Variants in ITGA8 observed in about 807,000 individuals in gnomAD.
ITGA8 encodes the protein integrin subunit alpha 8.
In ITGA8, 91 loss-of-function variants were observed where a neutral mutation model predicts 142.3. That is an observed-to-expected ratio of 0.64 (90% CI 0.54 to 0.76). The LOEUF is 0.76. Ranked by LOEUF, ITGA8 falls within the 30% of genes least tolerant of loss-of-function variation. The probability of loss-of-function intolerance (pLI) is 0.00; values close to 1 mark genes in which losing one functional copy is unlikely to be tolerated. For missense variants in ITGA8, 1,406 were observed against 1,327.7 expected, an observed-to-expected ratio of 1.06 and a Z score of -0.92; for synonymous variants, 505 against 485.2, an observed-to-expected ratio of 1.04 and a Z score of -0.54.
At chr10:15,560,066 T>G (rs1280904306) in intron 25 of ITGA8, among the ~76,000 whole-genome samples, 3 of 152,050 alleles carry the variant, frequency 2.0e-5, no homozygotes, top group Non-Finnish European at 1.5e-5. Flanking sequence ...GATCTTGACT[T>G]GAGGCCAGGT....
chr10:15,553,032 C>T lies in ITGA8; in HGVS notation c.2767-4464G>A, dbSNP rs201995353. ...AGCACTTTGGGAGGACGAGGTGGGA[C>T]GTTCACTTGAGGTCAGGAGTTTGAG... On this transcript the variant is annotated intron_variant, in intron 26 of 29. Coordinates refer to ENST00000378076, the MANE Select transcript of ITGA8 (RefSeq NM_003638.3). Among the ~76,000 whole-genome samples, 35 of 152,154 alleles carry T rather than the reference C, an allele frequency of 2.3e-4. No individual in the cohort carries two copies. The East Asian group carries it at 3.7e-3, about 16-fold the overall frequency.
chr10:15,518,422 T>C (rs1048240156), intron 29 of ITGA8, among the ~76,000 whole-genome samples: 3 of 152,250 alleles, frequency 2.0e-5, no homozygotes, highest in African/African-American at 7.2e-5. Flanking sequence ...CACATGGGTG[T>C]AGGATGTCAC....
At position 15,694,202 on chromosome 10, in the gene ITGA8, T is replaced by A. The variant is rs571127477; in HGVS notation, c.344-6164A>T. ...AATATATCATATATATGATAATATA[T>A]CATATATATGATAACATATCATATA... On this transcript the variant is annotated intron_variant, in intron 2 of 29. Coordinates refer to ENST00000378076, the MANE Select transcript of ITGA8 (RefSeq NM_003638.3). 8.1e-4 allele frequency among the ~76,000 whole-genome samples: 115 copies of A among 142,568 alleles called. 4 individuals carry two copies. In the South Asian group the frequency reaches 0.018, roughly 23 times the overall value. The allele number at this position is 142,568 out of a possible 152,430, so 93.5% of individuals were successfully genotyped here.
At chr10:15,628,322 TG>T (rs1833622514) in intron 13 of ITGA8, among the ~76,000 whole-genome samples, 5 of 133,872 alleles carry the variant, frequency 3.7e-5, no homozygotes, top group African/African-American at 1.4e-4. Flanking sequence ...TAATTTATTT[TG>T]GTTTTTTTTT....
intron 2 of ITGA8, among the ~76,000 whole-genome samples, chr10:15,699,413 A>G (rs552832737): frequency 6.6e-5 from 10 of 152,382 alleles, no homozygotes; most frequent in African/African-American, 1.9e-4. Flanking sequence ...CTAGCTAGCT[A>G]GATACATAGA....
intron 13 of ITGA8, among the ~76,000 whole-genome samples, chr10:15,639,927 GTGAAGCT>G (rs1215230073): frequency 6.7e-6 from 1 of 149,506 alleles, no homozygotes; most frequent in Non-Finnish European, 1.5e-5. Flanking sequence ...TGAATAGATT[GTGAAGCT>G]CAGAAGGCAC....
intron 2 of ITGA8, among the ~76,000 whole-genome samples, chr10:15,702,293 ATTT>A (rs139332670): frequency 1.4e-5 from 2 of 144,492 alleles, no homozygotes; most frequent in African/African-American, 5.1e-5. Context: ...ACACCTGAAG[ATTT>A]TTTTTTTTTT....
At chr10:15,713,076 T>C (rs1835390171) in intron 2 of ITGA8, among the ~76,000 whole-genome samples, 1 of 152,246 alleles carries the variant, frequency 6.6e-6, no homozygotes, top group Non-Finnish European at 1.5e-5. Flanking sequence ...TCAGTTGCTA[T>C]GGGCTGTAGG....
intron 8 of ITGA8, among the ~76,000 whole-genome samples, chr10:15,664,753 G>A (rs542681558): frequency 4.7e-5 from 7 of 147,486 alleles, no homozygotes; most frequent in African/African-American, 1.5e-4. Context: ...ACCTATGAGT[G>A]AGAACATGCA....
chr10:15,541,868 A>C (rs958583974), intron 27 of ITGA8, among the ~76,000 whole-genome samples: 2 of 152,080 alleles, frequency 1.3e-5, no homozygotes, highest in Non-Finnish European at 2.9e-5. Flanking sequence ...ATATGAATCC[A>C]AAAGTTTACT....
In ITGA8 at chr10:15,608,245, T is replaced by G; in HGVS notation, c.1599A>C (p.Ala533=). The G allele has an allele frequency of 6.3e-7, 1 of 1,597,236 alleles. No homozygotes were observed. The highest frequency in any genetic ancestry group is 8.5e-7 in the Non-Finnish European group (1 of 1,172,158). ...VCASVTGQSI[A]NTIVLMAEVQ... ...TGAAAACATGCTTACCTATTGTGTTTGCAATGCTCTGGCCTGTGACAGATG... is the reference window on the plus strand; with the variant it reads ...TGAAAACATGCTTACCTATTGTGTTGGCAATGCTCTGGCCTGTGACAGATG... Residue 533 remains alanine (A), a synonymous_variant, in exon 16 of 30, where the codon GCA becomes GCC. Coordinates refer to ENST00000378076, the MANE Select transcript of ITGA8 (RefSeq NM_003638.3).
At chr10:15,707,182 A>G (rs1300056066) in intron 2 of ITGA8, among the ~76,000 whole-genome samples, 1 of 152,236 alleles carries the variant, frequency 6.6e-6, no homozygotes, top group Non-Finnish European at 1.5e-5. Flanking sequence ...CGTGGCAAAG[A>G]GGGACTGGAC....
intron 23 of ITGA8, among the ~76,000 whole-genome samples, chr10:15,580,085 T>C (rs1336046115): frequency 6.8e-6 from 1 of 146,810 alleles, no homozygotes; most frequent in African/African-American, 2.5e-5. Flanking sequence ...GCAGATTCTT[T>C]GAAAAGATCA....
rs1271520791 is a variant in ITGA8 at position 15,607,679 on chromosome 10, GA to G, written c.1761del (p.Arg588GlufsTer17). 6.2e-7 allele frequency: 1 copy of G among 1,613,462 alleles called. No individual in the cohort carries two copies. The highest frequency in any genetic ancestry group is 8.5e-7 in the Non-Finnish European group (1 of 1,179,604). On this transcript the variant is annotated frameshift_variant, in exon 17 of 30. Coordinates refer to ENST00000378076, the MANE Select transcript of ITGA8 (RefSeq NM_003638.3). LOFTEE classifies it high-confidence loss of function. ...AGAAGTCTTTCTGGAATACTTACTC[GA>G]AGGTAAACGATGAAATCCTGGCACT... ...SHQCQDFIVY[L>X]RDETEFRDKL...
At chr10:15,663,507 T>C (rs112290201) in intron 8 of ITGA8, among the ~76,000 whole-genome samples, 32 of 152,322 alleles carry the variant, frequency 2.1e-4, no homozygotes, top group African/African-American at 7.0e-4. Flanking sequence ...CAATATACTC[T>C]TGTGCATCAT....
intron 11 of ITGA8, among the ~76,000 whole-genome samples, chr10:15,648,822 T>A (rs1250514085): frequency 2.0e-5 from 3 of 152,212 alleles, no homozygotes; most frequent in African/African-American, 7.2e-5. Context: ...ACTTCCTATG[T>A]TTAAGGTACT....
chr10:15,673,065 TTTTG>T lies in ITGA8; in HGVS notation c.677-320_677-317del, dbSNP rs201950238. On this transcript the variant is annotated intron_variant, in intron 6 of 29. Coordinates refer to ENST00000378076, the MANE Select transcript of ITGA8 (RefSeq NM_003638.3). ...GCAAGTAAAATTTATGTGATGTAAT[TTTTG>T]TTTGTTTGTTTGTTTGTTTGTTTTT... 9.3e-3 allele frequency among the ~76,000 whole-genome samples: 1,409 copies of T among 152,158 alleles called. 12 individuals carry two copies. The highest frequency in any genetic ancestry group is 0.015 in the Non-Finnish European group (1,049 of 67,998).
At chr10:15,643,225 T>C (rs957612239) in intron 13 of ITGA8, among the ~76,000 whole-genome samples, 2 of 152,214 alleles carry the variant, frequency 1.3e-5, no homozygotes, top group Non-Finnish European at 2.9e-5. Flanking sequence ...CAGTTCTTTT[T>C]TTCTCCACTT....
At chr10:15,550,322 A>G (rs964282181) in intron 26 of ITGA8, among the ~76,000 whole-genome samples, 1 of 152,166 alleles carries the variant, frequency 6.6e-6, no homozygotes. Flanking sequence ...AAAATGGACC[A>G]ATACAGGTAC....
Sources: gnomAD v4.1 joint callset for allele counts (sites outside exome capture counted in the v4.1 genomes callset) on GRCh38, gnomAD v4.1.1 for gene constraint, MANE v1.5 for transcripts, NCBI Gene and HGNC (gene_info 2026-07-23, HGNC 2026-07-21) for gene names.